Variants in ATXN1 observed in about 807,000 individuals in gnomAD.
The protein encoded by ATXN1 is ataxin-1.
A neutral mutation model predicts 56.4 loss-of-function variants in ATXN1; 8 were observed. The ratio of observed to expected loss-of-function variants is 0.14; its 90% CI spans 0.08 to 0.26. ATXN1 has a LOEUF of 0.26. Ranked by LOEUF, ATXN1 falls within the 10% of genes least tolerant of loss-of-function variation. The probability of loss-of-function intolerance (pLI) is 1.00; values close to 1 mark genes in which losing one functional copy is unlikely to be tolerated. For synonymous variants in ATXN1, 514 were observed against 494.6 expected, an observed-to-expected ratio of 1.04 and a Z score of -0.52; for missense variants, 987 against 1,106.5, an observed-to-expected ratio of 0.89 and a Z score of 1.53.
intron 6 of ATXN1, among the ~76,000 whole-genome samples, chr6:16,429,789 C>T (rs887287587): frequency 2.0e-5 from 3 of 152,078 alleles, no homozygotes; most frequent in East Asian, 3.8e-4. Flanking sequence ...ACATAAAAAC[C>T]GCAGCAGGTA....
chr6:16,731,741 C>T (rs1028975187), intron 2 of ATXN1, among the ~76,000 whole-genome samples: 5 of 151,800 alleles, frequency 3.3e-5, no homozygotes, highest in African/African-American at 1.2e-4. Context: ...ATTGTATTGC[C>T]GTTTCCTTCT....
At chr6:16,743,514 A>G (rs536055121) in intron 2 of ATXN1, among the ~76,000 whole-genome samples, 1 of 152,336 alleles carries the variant, frequency 6.6e-6, no homozygotes, top group East Asian at 1.9e-4. Flanking sequence ...ATCACATCCA[A>G]TTTGTAACAT....
intron 6 of ATXN1, among the ~76,000 whole-genome samples, chr6:16,368,343 C>CTTTTTTTT (rs10527935): frequency 1.1e-3 from 84 of 75,786 alleles, no homozygotes; most frequent in South Asian, 1.9e-3. Flanking sequence ...ACTTCTTCTT[C>CTTTTTTTT]TTTTTTTTTT....
At chr6:16,379,754 A>T (rs1762214335) in intron 6 of ATXN1, among the ~76,000 whole-genome samples, 1 of 152,224 alleles carries the variant, frequency 6.6e-6, no homozygotes, top group African/African-American at 2.4e-5. Context: ...CTACAGAGGC[A>T]TCAGCAAGAC....
chr6:16,444,273 T>C (rs1462389585), intron 6 of ATXN1, among the ~76,000 whole-genome samples: 1 of 152,144 alleles, frequency 6.6e-6, no homozygotes, highest in Non-Finnish European at 1.5e-5. Flanking sequence ...CAAATATCAT[T>C]TCTCACTGAA....
chr6:16,673,896 C>G (rs372737339), intron 2 of ATXN1, among the ~76,000 whole-genome samples: 1 of 152,136 alleles, frequency 6.6e-6, no homozygotes, highest in Non-Finnish European at 1.5e-5. Flanking sequence ...CCATTTGGGA[C>G]GATCAAAAAG....
intron 7 of ATXN1, among the ~76,000 whole-genome samples, chr6:16,324,738 G>C (rs181793057): frequency 2.0e-5 from 3 of 152,178 alleles, no homozygotes; most frequent in Non-Finnish European, 2.9e-5. Flanking sequence ...GCATGTAATC[G>C]ATCTAAGAAC....
chr6:16,363,143 T>C (rs527537452), intron 6 of ATXN1, among the ~76,000 whole-genome samples: 2 of 152,216 alleles, frequency 1.3e-5, no homozygotes, highest in African/African-American at 4.8e-5. Flanking sequence ...GCTTACTACA[T>C]GTCAGTTGGC....
chr6:16,499,541 G>A (rs1760840294), intron 5 of ATXN1, among the ~76,000 whole-genome samples: 1 of 152,108 alleles, frequency 6.6e-6, no homozygotes, highest in Admixed American at 6.5e-5. Flanking sequence ...AAAAGCAACA[G>A]TAGCTTGAAA....
chr6:16,467,862 C>G (rs919451783), intron 6 of ATXN1, among the ~76,000 whole-genome samples: 1 of 152,200 alleles, frequency 6.6e-6, no homozygotes, highest in Non-Finnish European at 1.5e-5. Flanking sequence ...GAACCACTGC[C>G]TACAAGAAGA....
At chr6:16,730,483 GTATGTA>G (rs1385819379) in intron 2 of ATXN1, among the ~76,000 whole-genome samples, 1 of 74,534 alleles carries the variant, frequency 1.3e-5, no homozygotes, top group East Asian at 3.8e-4. Flanking sequence ...GGGTAAAACA[GTATGTA>G]TATATATATA....
Position 16,306,925 on chromosome 6 carries a change from G to A in ATXN1, c.1918-66C>T. Reference sequence around the variant, plus strand: ...GAACAAATGAAAACATTTTATTCTTGTTTGATTTTATGCACACACACAGGT... The same window carrying A: ...GAACAAATGAAAACATTTTATTCTTATTTGATTTTATGCACACACACAGGT... On this transcript the variant is annotated intron_variant, in intron 7 of 7. Coordinates refer to ENST00000436367, the MANE Select transcript of ATXN1 (RefSeq NM_001128164.2). The surrounding 1 kb of genome is among the most constrained non-coding windows in gnomAD (Gnocchi z 5.2). 1 of 1,492,084 alleles carries A rather than the reference G, an allele frequency of 6.7e-7. No homozygotes were observed. The allele number at this position is 1,492,084 out of a possible 1,614,324, so 92.4% of individuals were successfully genotyped here. A position where few individuals can be genotyped will look rare whatever the true frequency, so the allele number is the denominator to read the frequency against.
At chr6:16,347,446 C>T (rs1393839688) in intron 6 of ATXN1, among the ~76,000 whole-genome samples, 1 of 152,122 alleles carries the variant, frequency 6.6e-6, no homozygotes, top group African/African-American at 2.4e-5. Context: ...CCAATCCACA[C>T]TCTGTAACTA....
At chr6:16,733,076 G>T (rs1031799801) in intron 2 of ATXN1, among the ~76,000 whole-genome samples, 4 of 152,140 alleles carry the variant, frequency 2.6e-5, no homozygotes, top group Non-Finnish European at 5.9e-5. Context: ...GCCATGCCGG[G>T]ACCCATTCTG....
chr6:16,468,249 G>C (rs950863225), intron 6 of ATXN1, among the ~76,000 whole-genome samples: 12 of 152,244 alleles, frequency 7.9e-5, no homozygotes, highest in African/African-American at 2.6e-4. Context: ...GCAGTGGCAC[G>C]ATCTTGGCTC....
chr6:16,592,435 T>C (rs1203670319), intron 3 of ATXN1, among the ~76,000 whole-genome samples: 1 of 152,104 alleles, frequency 6.6e-6, no homozygotes, highest in Non-Finnish European at 1.5e-5. Flanking sequence ...AGACCACGTG[T>C]TGCTCAGAAA....
chr6:16,303,025 G>T lies in ATXN1; in HGVS notation c.*3304C>A. ...CTGCCACAAGGGAGTGGTGACCGTG[G>T]GTGGCAGGTGGTCCCCTCCACAGCC... On this transcript the variant is annotated 3_prime_UTR_variant, in exon 8 of 8. Coordinates refer to ENST00000436367, the MANE Select transcript of ATXN1 (RefSeq NM_001128164.2). The surrounding 1 kb of genome is among the most constrained non-coding windows in gnomAD (Gnocchi z 4.3). 6.5e-6 allele frequency: 1 copy of T among 152,766 alleles called. No homozygotes were observed. The highest frequency in any genetic ancestry group is 1.5e-5 in the Non-Finnish European group (1 of 68,056). The allele number at this position is 152,766 out of a possible 1,614,324, so 9.5% of individuals were successfully genotyped here.
chr6:16,513,715 A>G (rs936455794), intron 5 of ATXN1, among the ~76,000 whole-genome samples: 1 of 152,092 alleles, frequency 6.6e-6, no homozygotes, highest in African/African-American at 2.4e-5. Flanking sequence ...CTTCATCAAG[A>G]GCAGCAACTC....
intron 6 of ATXN1, among the ~76,000 whole-genome samples, chr6:16,456,764 T>C (rs1759884418): frequency 1.3e-5 from 2 of 152,166 alleles, no homozygotes; most frequent in Admixed American, 1.3e-4. Flanking sequence ...TCTTCCAGTT[T>C]CTCCTATAAG....
Sources: allele counts gnomAD v4.1 joint callset (sites outside exome capture counted in the v4.1 genomes callset), GRCh38; gene constraint gnomAD v4.1.1; non-coding constraint Gnocchi (gnomAD v3.1); transcripts MANE v1.5; gene names NCBI Gene and HGNC (gene_info 2026-07-23, HGNC 2026-07-21).